Variants in TRAM2 observed in about 807,000 individuals in gnomAD.
TRAM2 encodes translocation associated membrane protein 2, also known as translocating chain-associated membrane protein 2.
A neutral mutation model predicts 51.0 loss-of-function variants in TRAM2; 12 were observed. The observed-to-expected ratio is 0.24, with a 90% CI of 0.15 to 0.38. The LOEUF is 0.38. TRAM2 is among the 10% of genes least tolerant of loss of function. TRAM2 has a pLI of 1.00. For synonymous variants in TRAM2, 175 were observed against 179.4 expected, an observed-to-expected ratio of 0.98 and a Z score of 0.20; for missense variants, 361 against 462.0, an observed-to-expected ratio of 0.78 and a Z score of 2.00.
chr6:52,519,161 C>T (rs975636749), intron 2 of TRAM2, among the ~76,000 whole-genome samples: 6 of 152,224 alleles, frequency 3.9e-5, no homozygotes, highest in African/African-American at 1.4e-4. Context: ...CCATGCTGGG[C>T]ACTGGGAGAC....
rs1163458406 is a variant in TRAM2, at chr6:52,499,598, C to T, written c.*3599G>A. 2 of 152,048 alleles carry T rather than the reference C, an allele frequency of 1.3e-5. No homozygotes were observed. The highest frequency in any genetic ancestry group is 4.8e-5 in the African/African-American group (2 of 41,374). The allele number at this position is 152,048 out of a possible 1,614,324, so 9.4% of individuals were successfully genotyped here. A position where few individuals can be genotyped will look rare whatever the true frequency, so the allele number is the denominator to read the frequency against. ...CTTTCACCCAACCTCTTATTAGCTG[C>T]TTAGAAAAAAGAAGGGGTACTGACA... On this transcript the variant is annotated 3_prime_UTR_variant, in exon 11 of 11. Coordinates refer to ENST00000182527, the MANE Select transcript of TRAM2 (RefSeq NM_012288.4).
At chr6:52,525,202 C>G (rs1303669919) in intron 2 of TRAM2, 2 of 152,296 alleles carry the variant, frequency 1.3e-5, no homozygotes, top group Non-Finnish European at 2.9e-5. Flanking sequence ...CCATTAGCTC[C>G]CCATCAGGCC....
intron 1 of TRAM2, among the ~76,000 whole-genome samples, chr6:52,548,252 T>TC (rs1457010553): frequency 1.3e-5 from 2 of 152,156 alleles, no homozygotes; most frequent in Non-Finnish European, 2.9e-5. Flanking sequence ...ATCTATCTAC[T>TC]CCAACTCCAT....
chr6:52,546,509 A>C (rs1767202793), intron 1 of TRAM2, among the ~76,000 whole-genome samples: 1 of 152,208 alleles, frequency 6.6e-6, no homozygotes, highest in Admixed American at 6.5e-5. Flanking sequence ...GCCTGGACTT[A>C]GGTAGTGGCA....
rs547163442 is a variant in TRAM2, at chr6:52,574,489, G to A, written c.120+2307C>T. ...GCAAAGCCCTCTTTCTCCCAGAGAA[G>A]CACAGACTGATGATCTCACAAAGTA... On this transcript the variant is annotated intron_variant, in intron 1 of 10. Coordinates refer to ENST00000182527, the MANE Select transcript of TRAM2 (RefSeq NM_012288.4). Among the ~76,000 whole-genome samples the A allele has an allele frequency of 3.3e-5, 5 of 152,348 alleles. No individual in the cohort carries two copies. In the South Asian group the frequency reaches 1.0e-3, roughly 32 times the overall value.
At chr6:52,526,166 C>G (rs879288484) in intron 2 of TRAM2, among the ~76,000 whole-genome samples, 1,928 of 23,706 alleles carry the variant, frequency 0.081, 28 homozygotes, top group South Asian at 0.12. Flanking sequence ...CACACACACA[C>G]ACACACACAC....
chr6:52,506,998 T>C (rs933411303), intron 7 of TRAM2, among the ~76,000 whole-genome samples: 4 of 152,216 alleles, frequency 2.6e-5, no homozygotes, highest in Non-Finnish European at 5.9e-5. Context: ...AAATTATCAA[T>C]GACACAGCTT....
At chr6:52,575,017 G>A (rs1328875421) in intron 1 of TRAM2, among the ~76,000 whole-genome samples, 1 of 152,314 alleles carries the variant, frequency 6.6e-6, no homozygotes, top group East Asian at 1.9e-4. Context: ...CACGCACTTG[G>A]AGGCCTCTTA....
intron 1 of TRAM2, among the ~76,000 whole-genome samples, chr6:52,559,743 T>C (rs1767466801): frequency 6.6e-6 from 1 of 152,238 alleles, no homozygotes; most frequent in South Asian, 2.1e-4. Context: ...CTCTCACCTC[T>C]GGGCTTACCC....
chr6:52,538,411 T>C (rs1442619096), intron 1 of TRAM2, among the ~76,000 whole-genome samples: 1 of 151,892 alleles, frequency 6.6e-6, no homozygotes, highest in Non-Finnish European at 1.5e-5. Context: ...GATGGGAGGA[T>C]GGAGGGGATA....
chr6:52,534,207 C>A (rs1020234848), intron 2 of TRAM2, among the ~76,000 whole-genome samples: 4 of 151,566 alleles, frequency 2.6e-5, no homozygotes, highest in African/African-American at 7.3e-5. Context: ...AATGGAGAAA[C>A]CCTGTCTCTA....
chr6:52,546,283 A>G (rs1562485216), intron 1 of TRAM2, among the ~76,000 whole-genome samples: 1 of 152,242 alleles, frequency 6.6e-6, no homozygotes, highest in Non-Finnish European at 1.5e-5. Context: ...GGCAGAAGGC[A>G]GGTCCTATGA....
intron 1 of TRAM2, among the ~76,000 whole-genome samples, chr6:52,563,706 A>AAG (rs1450476727): frequency 6.6e-6 from 1 of 151,798 alleles, no homozygotes; most frequent in East Asian, 1.9e-4. Flanking sequence ...AAAAAAAAAA[A>AAG]AAAAAAAAAA....
chr6:52,504,132 A>G (rs559894276), intron 10 of TRAM2, among the ~76,000 whole-genome samples: 1 of 152,026 alleles, frequency 6.6e-6, no homozygotes, highest in Admixed American at 6.6e-5. Flanking sequence ...ACCTAGCACT[A>G]TGTCACTGTG....
intron 2 of TRAM2, among the ~76,000 whole-genome samples, chr6:52,518,072 T>C (rs895410431): frequency 8.5e-5 from 13 of 152,208 alleles, no homozygotes; most frequent in African/African-American, 2.9e-4. Flanking sequence ...AAACATACAG[T>C]GCAGCAGGGA....
rs946456817 is a variant in TRAM2, at chr6:52,497,459, A to G, written c.*5738T>C. ...CAGAAAATATTTGATCATTTGTTCCAAAATGTACATTTAAAAAATCCATAC... is the reference window on the plus strand; with the variant it reads ...CAGAAAATATTTGATCATTTGTTCCGAAATGTACATTTAAAAAATCCATAC... On this transcript the variant is annotated 3_prime_UTR_variant, in exon 11 of 11. Coordinates refer to ENST00000182527, the MANE Select transcript of TRAM2 (RefSeq NM_012288.4). The G allele has an allele frequency of 2.0e-5, 3 of 152,680 alleles. No individual in the cohort carries two copies. The highest frequency in any genetic ancestry group is 7.2e-5 in the African/African-American group (3 of 41,464). The allele number at this position is 152,680 out of a possible 1,614,324, so 9.5% of individuals were successfully genotyped here. A position where few individuals can be genotyped will look rare whatever the true frequency, so the allele number is the denominator to read the frequency against.
At chr6:52,567,257 G>A (rs1767604885) in intron 1 of TRAM2, among the ~76,000 whole-genome samples, 2 of 152,232 alleles carry the variant, frequency 1.3e-5, no homozygotes, top group Non-Finnish European at 2.9e-5. Flanking sequence ...CGAGGCCATA[G>A]TTGTCATGCC....
chr6:52,535,769 C>G lies in TRAM2; in HGVS notation c.184+14G>C, dbSNP rs566829228. 118 of 1,609,054 alleles carry G rather than the reference C, an allele frequency of 7.3e-5. 1 individual carries two copies. The African/African-American group carries it at 1.5e-3, about 20-fold the overall frequency. ...TAACAGGGCCAGGAGAAGATGGAGA[C>G]CAGTGATTCTTACCTGCTGTAGGCA... On this transcript the variant is annotated intron_variant, in intron 2 of 10. Transcript: ENST00000182527.
intron 1 of TRAM2, among the ~76,000 whole-genome samples, chr6:52,549,957 C>T (rs1363461042): frequency 1.3e-5 from 2 of 152,092 alleles, no homozygotes; most frequent in East Asian, 1.9e-4. Context: ...TTTAGCTTTG[C>T]CACCCTTTGA....
Sources: gnomAD v4.1 joint callset for allele counts (sites outside exome capture counted in the v4.1 genomes callset) on GRCh38, gnomAD v4.1.1 for gene constraint, MANE v1.5 for transcripts, NCBI Gene and HGNC (gene_info 2026-07-23, HGNC 2026-07-21) for gene names.